ZNF124: variants seen among roughly 807,000 people sequenced by gnomAD.
The protein encoded by ZNF124 is zinc finger protein HZF-16.
In ZNF124, 25 loss-of-function variants were observed where a neutral mutation model predicts 26.6. The ratio of observed to expected loss-of-function variants is 0.94; its 90% confidence interval spans 0.68 to 1.31. The LOEUF is 1.31. Among genes scored for constraint, ZNF124 ranks in the 40% most tolerant of loss-of-function variants. The pLI is 0.00. For synonymous variants in ZNF124, 129 were observed against 133.3 expected, an observed-to-expected ratio of 0.97 and a Z score of 0.22; for missense variants, 444 against 422.2, an observed-to-expected ratio of 1.05 and a Z score of -0.45.
At chr1:247,140,760 G>A (rs954426260) in intron 3 of ZNF124, among the ~76,000 whole-genome samples, 2 of 152,156 alleles carry the variant, frequency 1.3e-5, no homozygotes, top group African/African-American at 2.4e-5. Context: ...TTGGAACTTC[G>A]GGATGTGATC....
intron 3 of ZNF124, among the ~76,000 whole-genome samples, chr1:247,147,058 G>A (rs529803064): frequency 1.1e-4 from 16 of 152,188 alleles, no homozygotes; most frequent in African/African-American, 2.4e-4. Flanking sequence ...AGGCTATGAT[G>A]TCAGCAAGCT....
chr1:247,139,668 A>G (rs1288901909), intron 3 of ZNF124, among the ~76,000 whole-genome samples: 1 of 152,114 alleles, frequency 6.6e-6, no homozygotes, highest in African/African-American at 2.4e-5. Context: ...TCCTTTCAAG[A>G]TCTCTCATAA....
chr1:247,161,778 T>C (rs916138373), intron 1 of ZNF124, among the ~76,000 whole-genome samples: 7 of 152,220 alleles, frequency 4.6e-5, no homozygotes, highest in South Asian at 2.1e-4. Context: ...TAGTAAATAA[T>C]AGTCCACATT....
intron 1 of ZNF124, among the ~76,000 whole-genome samples, chr1:247,163,485 A>G (rs1051445578): frequency 5.9e-5 from 9 of 151,730 alleles, no homozygotes; most frequent in Non-Finnish European, 1.0e-4. Flanking sequence ...AAAAAAAAAA[A>G]TCCCTCAGAG....
chr1:247,128,903 G>T (rs1432249805), intron 3 of ZNF124, among the ~76,000 whole-genome samples: 4 of 142,462 alleles, frequency 2.8e-5, no homozygotes, highest in African/African-American at 1.1e-4. Flanking sequence ...GGAGGATTCA[G>T]GAGATGAGAG....
At chr1:247,123,895 A>AT (rs1407876088) in intron 3 of ZNF124, 1 of 702,016 alleles carries the variant, frequency 1.4e-6, no homozygotes, top group African/African-American at 1.7e-5. Flanking sequence ...CATGATACTG[A>AT]TTGCAAAAAT....
At chr1:247,148,772 A>G (rs1479886238) in intron 3 of ZNF124, among the ~76,000 whole-genome samples, 1 of 151,594 alleles carries the variant, frequency 6.6e-6, no homozygotes, top group Non-Finnish European at 1.5e-5. Flanking sequence ...CATCCTGGCT[A>G]ACACGGTGAA....
chr1:247,167,873 A>C (rs890000163), intron 1 of ZNF124, among the ~76,000 whole-genome samples: 2 of 152,210 alleles, frequency 1.3e-5, no homozygotes, highest in African/African-American at 2.4e-5. Context: ...GCAAGAAAAA[A>C]TTCCATCAAA....
chr1:247,159,985 T>A, intron 1 of ZNF124, 172 bp from the exon 2 acceptor site: 10 of 489,590 alleles, frequency 2.0e-5, no homozygotes, highest in South Asian at 4.0e-5. Flanking sequence ...AGTTCTTTTT[T>A]TTTTTTTTTT....
chr1:247,130,995 G>A (rs1489682765), intron 3 of ZNF124, among the ~76,000 whole-genome samples: 1 of 152,218 alleles, frequency 6.6e-6, no homozygotes, highest in Non-Finnish European at 1.5e-5. Flanking sequence ...AGAATCGCTT[G>A]AACCCAGGAG....
chr1:247,125,195 C>A (rs1029064545), intron 3 of ZNF124, among the ~76,000 whole-genome samples: 1 of 152,164 alleles, frequency 6.6e-6, no homozygotes. Flanking sequence ...CACACATTGG[C>A]TGTTACGAAT....
intron 1 of ZNF124, among the ~76,000 whole-genome samples, chr1:247,170,840 CGGTCA>C (rs1219507432): frequency 7.5e-6 from 1 of 133,066 alleles, no homozygotes; most frequent in Non-Finnish European, 1.5e-5. Context: ...ATAACACAAC[CGGTCA>C]GGTCAAGGGT....
intron 1 of ZNF124, among the ~76,000 whole-genome samples, chr1:247,170,835 A>G (rs1228165760): frequency 7.4e-6 from 1 of 134,486 alleles, no homozygotes; most frequent in Non-Finnish European, 1.5e-5. Flanking sequence ...TATAGATAAC[A>G]CAACCGGTCA....
At chr1:247,154,521 T>C (rs1330481441), downstream of ZNF124, among the ~76,000 whole-genome samples, 1 of 152,134 alleles carries the variant, frequency 6.6e-6, no homozygotes, top group East Asian at 1.9e-4. Flanking sequence ...TACATATATA[T>C]GAAATAACAC....
At chr1:247,141,691 G>A (rs1245568454) in intron 3 of ZNF124, among the ~76,000 whole-genome samples, 2 of 152,128 alleles carry the variant, frequency 1.3e-5, no homozygotes, top group African/African-American at 4.8e-5. Flanking sequence ...ACTGTTCTGT[G>A]TTCATGAGCT....
At chr1:247,128,396 G>T (rs1385635149) in intron 3 of ZNF124, among the ~76,000 whole-genome samples, 1 of 148,448 alleles carries the variant, frequency 6.7e-6, no homozygotes, top group African/African-American at 2.5e-5. Context: ...GTTCAAAACT[G>T]TTTGAGGATG....
intron 3 of ZNF124, among the ~76,000 whole-genome samples, chr1:247,125,568 A>G (rs916291899): frequency 6.8e-6 from 1 of 147,142 alleles, no homozygotes; most frequent in Non-Finnish European, 1.5e-5. Flanking sequence ...AGTAGCTGGG[A>G]TTACAGGCGT....
Position 247,156,205 on chromosome 1 carries a change from C to G in ZNF124, c.*361G>C. The G allele has an allele frequency of 1.0e-6, 1 of 1,002,964 alleles. No individual in the cohort carries two copies. Among genetic ancestry groups the G allele is most frequent in the Middle Eastern group, 5.0e-4 (1 of 1,992 alleles). 62.1% of individuals were successfully genotyped at this position (1,002,964 alleles called of 1,614,324 possible). ...ATCTGGAGTATGTGTTACCATGTGT[C>G]TCTGAGTGAGTTATAGGATAAATGA... On this transcript the variant is annotated 3_prime_UTR_variant, in exon 4 of 4. Transcript: ENST00000543802.
intron 3 of ZNF124, among the ~76,000 whole-genome samples, chr1:247,135,491 TC>T (rs1351100391): frequency 1.3e-5 from 2 of 151,948 alleles, no homozygotes; most frequent in Non-Finnish European, 2.9e-5. Flanking sequence ...AGACGTCACA[TC>T]CCTAAGTAGA....
Sources: allele counts gnomAD v4.1 joint callset (sites outside exome capture counted in the v4.1 genomes callset), GRCh38; gene constraint gnomAD v4.1.1; transcripts MANE v1.5; gene names NCBI Gene and HGNC (gene_info 2026-07-23, HGNC 2026-07-21).